The following FHIT variants were observed in gnomAD, a reference collection of about 807,000 sequenced individuals.
The protein encoded by FHIT is fragile histidine triad diadenosine triphosphatase.
FHIT carries 19 observed loss-of-function variants against 17.9 expected under a neutral mutation model. The ratio of observed to expected loss-of-function variants is 1.06; its 90% CI spans 0.74 to 1.56. The LOEUF is 1.56. Among genes scored for constraint, FHIT ranks in the 40% most tolerant of loss-of-function variants. The pLI, the probability that FHIT is intolerant of heterozygous loss-of-function variation, is 0.00. For synonymous variants in FHIT, 81 were observed against 69.7 expected (o/e 1.16, Z -0.81); for missense variants, 248 against 189.2 (o/e 1.31, Z -1.82).
chr3:59,970,410 CA>C (rs1421321578), intron 7 of FHIT, among the ~76,000 whole-genome samples: 1 of 152,082 alleles, frequency 6.6e-6, no homozygotes, highest in African/African-American at 2.4e-5. Context: ...AACACAAACA[CA>C]AGGGTGTTGC....
intron 8 of FHIT, among the ~76,000 whole-genome samples, chr3:59,802,317 T>C (rs892495135): frequency 6.6e-6 from 1 of 152,220 alleles, no homozygotes; most frequent in African/African-American, 2.4e-5. Context: ...ATACTCCTTC[T>C]TATCCTTGGC....
intron 5 of FHIT, among the ~76,000 whole-genome samples, chr3:60,314,013 C>T (rs186205175): frequency 3.3e-5 from 5 of 152,328 alleles, no homozygotes; most frequent in African/African-American, 1.2e-4. Flanking sequence ...TTTGTGTGCA[C>T]ACATTGCTTT....
At chr3:60,145,434 C>T (rs1160039033) in intron 5 of FHIT, among the ~76,000 whole-genome samples, 1 of 152,208 alleles carries the variant, frequency 6.6e-6, no homozygotes, top group East Asian at 1.9e-4. Flanking sequence ...TAAATTCAAA[C>T]CCAGTGTATG....
chr3:60,085,325 C>G (rs565835352), intron 5 of FHIT, among the ~76,000 whole-genome samples: 2 of 152,246 alleles, frequency 1.3e-5, no homozygotes, highest in South Asian at 4.1e-4. Flanking sequence ...CTAGGTTCTT[C>G]CAAAGGCCCT....
chr3:61,062,522 C>G (rs1047399797), intron 2 of FHIT, among the ~76,000 whole-genome samples: 1 of 151,954 alleles, frequency 6.6e-6, no homozygotes, highest in African/African-American at 2.4e-5. Context: ...AAACCTAGAC[C>G]AAAAAATAAG....
chr3:60,245,714 G>A (rs957078631), intron 5 of FHIT, among the ~76,000 whole-genome samples: 3 of 151,806 alleles, frequency 2.0e-5, no homozygotes, highest in African/African-American at 7.3e-5. Flanking sequence ...TACACAAGTG[G>A]GCAAAACTTT....
intron 3 of FHIT, among the ~76,000 whole-genome samples, chr3:60,876,957 C>A (rs1704691246): frequency 6.6e-6 from 1 of 152,138 alleles, no homozygotes. Context: ...GCCAGAAACC[C>A]AGAGGAAACT....
chr3:59,847,439 C>T (rs2106775972), intron 8 of FHIT, among the ~76,000 whole-genome samples: 2 of 152,172 alleles, frequency 1.3e-5, no homozygotes, highest in South Asian at 4.2e-4. Context: ...TTCTTTGCAT[C>T]ACTCTCTCTT....
intron 5 of FHIT, among the ~76,000 whole-genome samples, chr3:60,415,567 A>G (rs1447968): frequency 0.93 from 141,928 of 152,064 alleles, 66,786 homozygotes; most frequent in East Asian, 1. Context: ...TTAGATGTCT[A>G]AAAATATTCA....
chr3:60,354,755 T>C (rs533188151), intron 5 of FHIT, among the ~76,000 whole-genome samples: 2 of 152,198 alleles, frequency 1.3e-5, no homozygotes, highest in Admixed American at 1.3e-4. Flanking sequence ...TGATGGCTGA[T>C]TCTGCTTAAC....
At chr3:60,191,375 C>T (rs1003644412) in intron 5 of FHIT, among the ~76,000 whole-genome samples, 10 of 152,146 alleles carry the variant, frequency 6.6e-5, no homozygotes, top group African/African-American at 1.7e-4. Context: ...ACTTAGAAAA[C>T]GGCAGGTTGT....
chr3:59,822,492 C>T (rs1700830533), intron 8 of FHIT, among the ~76,000 whole-genome samples: 2 of 152,098 alleles, frequency 1.3e-5, no homozygotes, highest in Non-Finnish European at 2.9e-5. Context: ...CATGGCCATT[C>T]TTGCAGGAGT....
rs1424765985 is a variant in FHIT, at chr3:60,218,418, A to G, written c.104-204266T>C. Among the ~76,000 whole-genome samples the G allele has an allele frequency of 2.6e-5, 4 of 152,184 alleles. No individual in the cohort carries two copies. In the East Asian group the frequency reaches 5.8e-4, roughly 22 times the overall value. ...CAGCTAGGTCATAAGCAATGTGTCA[A>G]TTATAAAACAGTTGATAAGAAAGTT... is the stretch of plus-strand genomic sequence containing the variant. On this transcript the variant is annotated intron_variant, in intron 5 of 9. Transcript: ENST00000492590.
Position 60,284,174 on chromosome 3 carries a change from A to C in FHIT, c.103+252686T>G, listed in dbSNP as rs149749286. ...GCAAACTGAAAATGAGAACAAACTT[A>C]ACATAAACCTAAAAAGACCCTTCAT... On this transcript the variant is annotated intron_variant, in intron 5 of 9. Coordinates refer to ENST00000492590, the MANE Select transcript of FHIT (RefSeq NM_002012.4). Among the ~76,000 whole-genome samples, 4 of 152,280 alleles carry C rather than the reference A, an allele frequency of 2.6e-5. No homozygotes were observed. In the East Asian group the frequency reaches 7.7e-4, roughly 29 times the overall value.
intron 5 of FHIT, among the ~76,000 whole-genome samples, chr3:60,228,220 G>C (rs573992526): frequency 6.6e-6 from 1 of 152,262 alleles, no homozygotes; most frequent in South Asian, 2.1e-4. Flanking sequence ...CTGACATACT[G>C]TATGATCCCA....
At chr3:60,359,873 C>T (rs1174372654) in intron 5 of FHIT, among the ~76,000 whole-genome samples, 1 of 151,690 alleles carries the variant, frequency 6.6e-6, no homozygotes, top group Non-Finnish European at 1.5e-5. Flanking sequence ...CAATAAAATC[C>T]AACAATGATG....
intron 4 of FHIT, among the ~76,000 whole-genome samples, chr3:60,731,698 G>A (rs2042033810): frequency 6.6e-6 from 1 of 152,086 alleles, no homozygotes; most frequent in African/African-American, 2.4e-5. Flanking sequence ...CCCACCTCCT[G>A]AGATCTTATT....
chr3:60,963,930 G>C (rs1388883602), intron 3 of FHIT, among the ~76,000 whole-genome samples: 5 of 152,216 alleles, frequency 3.3e-5, no homozygotes, highest in African/African-American at 1.2e-4. Context: ...GGAGAGTTCT[G>C]TAGATGTCTA....
intron 4 of FHIT, among the ~76,000 whole-genome samples, chr3:60,668,078 C>A (rs142929420): frequency 6.6e-6 from 1 of 152,028 alleles, no homozygotes; most frequent in African/African-American, 2.4e-5. Flanking sequence ...TGGTTGCATC[C>A]TTGTTGCTGG....
Sources: gnomAD v4.1 joint callset for allele counts (sites outside exome capture counted in the v4.1 genomes callset) on GRCh38, gnomAD v4.1.1 for gene constraint, MANE v1.5 for transcripts, NCBI Gene and HGNC (gene_info 2026-07-23, HGNC 2026-07-21) for gene names.